MTREX: variants seen among roughly 807,000 people sequenced by gnomAD.
MTREX encodes the protein exosome RNA helicase MTR4.
A neutral mutation model predicts 135.4 loss-of-function variants in MTREX; 76 were observed. The observed-to-expected ratio is 0.56, with a 90% CI of 0.47 to 0.68. The LOEUF is 0.68. MTREX is among the 30% of genes least tolerant of loss of function. The pLI, the probability that MTREX is intolerant of heterozygous loss-of-function variation, is 0.00. For synonymous variants in MTREX, 404 were observed against 401.6 expected, an observed-to-expected ratio of 1.01 and a Z score of -0.07; for missense variants, 920 against 1,262.1, an observed-to-expected ratio of 0.73 and a Z score of 4.11.
In MTREX at chr5:55,376,250, A is replaced by G. The variant is rs182161249; in HGVS notation, c.1811-2064A>G. On this transcript the variant is annotated intron_variant, in intron 16 of 26. Transcript: ENST00000230640. ...AGAAGATGTCCTTTGACCATTTCCC[A>G]TGAATGATCAGTCATATAGGAATAT... Among the ~76,000 whole-genome samples the G allele has an allele frequency of 1.3e-3, 203 of 152,360 alleles. 2 individuals are homozygous for G. The Middle Eastern group carries it at 0.024, about 18-fold the overall frequency.
At chr5:55,415,229 G>GA (rs950780392) in intron 24 of MTREX, among the ~76,000 whole-genome samples, 30 of 143,754 alleles carry the variant, frequency 2.1e-4, no homozygotes, top group Non-Finnish European at 3.2e-4. Flanking sequence ...GAAGAAAAAA[G>GA]AAAAAAAAAA....
Position 55,353,218 on chromosome 5 carries a change from A to C in MTREX, c.1482A>C (p.Arg494Ser). 1 of 1,610,910 alleles carries C rather than the reference A, an allele frequency of 6.2e-7. No individual in the cohort carries two copies. Among genetic ancestry groups the C allele is most frequent in the Non-Finnish European group, 8.5e-7 (1 of 1,178,676 alleles). The change falls in exon 14 of 27, where the codon AGA (arginine) becomes AGC (serine). Residue 494 changes from arginine (R) to serine (S), a missense_variant. Coordinates refer to ENST00000230640, the MANE Select transcript of MTREX (RefSeq NM_015360.5). ...TFAMGINMPA[R>S]TVLFTNARKF... ...CTATGGGAATTAACATGCCAGCTAGAACTGTTTTATTTACAAATGCCCGCA... is the reference window on the plus strand; with the variant it reads ...CTATGGGAATTAACATGCCAGCTAGCACTGTTTTATTTACAAATGCCCGCA...
intron 4 of MTREX, 26 bp downstream of exon 4, chr5:55,327,804 A>G: frequency 6.5e-7 from 1 of 1,534,232 alleles, no homozygotes. Context: ...AATACAGTTT[A>G]TATAGTTTCG....
At chr5:55,405,717 A>G (rs1750794033) in intron 22 of MTREX, 129 bp downstream of exon 22, 3 of 624,332 alleles carry the variant, frequency 4.8e-6, no homozygotes, top group Non-Finnish European at 8.1e-6. Flanking sequence ...ATCTCAGCTC[A>G]CTGCAACTCC....
chr5:55,405,754 A>G (rs1397127490), intron 22 of MTREX, among the ~76,000 whole-genome samples, 166 bp downstream of exon 22: 2 of 152,188 alleles, frequency 1.3e-5, no homozygotes, highest in Non-Finnish European at 2.9e-5. Context: ...TGATTTTAAA[A>G]ATAACCATTA....
chr5:55,313,998 T>A (rs1015428690), intron 1 of MTREX, among the ~76,000 whole-genome samples: 8 of 152,122 alleles, frequency 5.3e-5, no homozygotes, highest in Non-Finnish European at 1.0e-4. Flanking sequence ...TTTTTTTTTT[T>A]AACAACTGCA....
intron 19 of MTREX, among the ~76,000 whole-genome samples, chr5:55,390,298 T>A (rs1401260211): frequency 6.6e-6 from 1 of 152,162 alleles, no homozygotes; most frequent in East Asian, 1.9e-4. Context: ...AGACTGGGTT[T>A]CACCATGTTG....
chr5:55,385,596 T>A (rs576382303), intron 18 of MTREX, among the ~76,000 whole-genome samples: 3 of 152,308 alleles, frequency 2.0e-5, no homozygotes, highest in East Asian at 3.9e-4. Context: ...TTTTCAGATA[T>A]CAAAGACTTT....
chr5:55,405,269 TCCAGTTTCC>T (rs1750784128), intron 21 of MTREX, 147 bp from the exon 22 acceptor site: 2 of 546,260 alleles, frequency 3.7e-6, no homozygotes, highest in Non-Finnish European at 6.4e-6. Flanking sequence ...TCTAAGAAGC[TCCAGTTTCC>T]CCAGTCTCCC....
chr5:55,320,492 C>T (rs1749271621), intron 1 of MTREX, among the ~76,000 whole-genome samples: 1 of 152,158 alleles, frequency 6.6e-6, no homozygotes, highest in Non-Finnish European at 1.5e-5. Flanking sequence ...ACTGGGATTA[C>T]AGGCATGAGT....
chr5:55,407,857 G>C (rs1275315566), intron 22 of MTREX, among the ~76,000 whole-genome samples: 1 of 152,110 alleles, frequency 6.6e-6, no homozygotes, highest in African/African-American at 2.4e-5. Flanking sequence ...AGGCTCAAGT[G>C]ATCTTCCTGC....
At chr5:55,412,717 TA>T (rs1319435924) in intron 23 of MTREX, among the ~76,000 whole-genome samples, 1 of 152,176 alleles carries the variant, frequency 6.6e-6, no homozygotes, top group East Asian at 1.9e-4. Flanking sequence ...AAATCACAAT[TA>T]ACCTCCTCAC....
At chr5:55,380,946 G>A (rs1176914230) in intron 18 of MTREX, among the ~76,000 whole-genome samples, 1 of 152,074 alleles carries the variant, frequency 6.6e-6, no homozygotes, top group Non-Finnish European at 1.5e-5. Flanking sequence ...GTAGAACTTG[G>A]CAATGAGGCC....
intron 4 of MTREX, among the ~76,000 whole-genome samples, chr5:55,328,469 A>G (rs1482251922): frequency 6.6e-6 from 1 of 152,188 alleles, no homozygotes; most frequent in East Asian, 1.9e-4. Context: ...AGACACCAAC[A>G]TAATGTGATG....
intron 11 of MTREX, among the ~76,000 whole-genome samples, chr5:55,349,341 A>G (rs985417153): frequency 2.0e-5 from 3 of 151,594 alleles, no homozygotes; most frequent in African/African-American, 7.3e-5. Context: ...TGCACGCCGC[A>G]ATGCCTGGCT....
rs573689867 is a variant in MTREX, at chr5:55,406,728, GACA to G, written c.2645+1142_2645+1144del. Among the ~76,000 whole-genome samples, 381 of 152,244 alleles carry G rather than the reference GACA, an allele frequency of 2.5e-3. 2 individuals carry two copies. Among genetic ancestry groups the G allele is most frequent in the Admixed American group, 8.3e-3 (127 of 15,286 alleles). ...CTATTTAGCATTTGATGTGTGCTTA[GACA>G]AAGGAACTGAATTTTATAATTTATA... On this transcript the variant is annotated intron_variant, in intron 22 of 26. Transcript: ENST00000230640.
chr5:55,367,485 A>G (rs1750124454), intron 16 of MTREX, among the ~76,000 whole-genome samples: 1 of 101,920 alleles, frequency 9.8e-6, no homozygotes, highest in African/African-American at 5.2e-5. Context: ...ACTCCGACTC[A>G]AAAAAAAAAA....
intron 5 of MTREX, among the ~76,000 whole-genome samples, chr5:55,330,604 C>A (rs570703140): frequency 1.3e-5 from 2 of 151,150 alleles, no homozygotes; most frequent in Non-Finnish European, 2.9e-5. Context: ...ATTGACTTTC[C>A]TGCTTCTTTG....
At chr5:55,342,683 G>T (rs945112058) in intron 7 of MTREX, among the ~76,000 whole-genome samples, 23 of 152,138 alleles carry the variant, frequency 1.5e-4, no homozygotes, top group African/African-American at 5.6e-4. Context: ...CACTAAATCA[G>T]CCTGTATTTA....
Sources: allele counts gnomAD v4.1 joint callset (sites outside exome capture counted in the v4.1 genomes callset), GRCh38; gene constraint gnomAD v4.1.1; transcripts MANE v1.5; gene names NCBI Gene and HGNC (gene_info 2026-07-23, HGNC 2026-07-21).